Variants in AP1S3 observed in about 807,000 individuals in gnomAD.
AP1S3 encodes the protein adaptor related protein complex 1 subunit sigma 3.
AP1S3 carries 10 observed loss-of-function variants against 20.9 expected under a neutral mutation model. The observed-to-expected ratio is 0.48, with a 90% CI of 0.29 to 0.81. AP1S3 has a LOEUF of 0.81. AP1S3 is among the 30% of genes least tolerant of loss of function. AP1S3 has a pLI of 0.08. For missense variants in AP1S3, 154 were observed against 183.8 expected (o/e 0.84, Z 0.94); for synonymous variants, 41 against 61.5 (o/e 0.67, Z 1.56).
intron 1 of AP1S3, among the ~76,000 whole-genome samples, chr2:223,780,296 TATATATATATATAGAGAGAGAGAGAGAG>T (rs1304469421): frequency 7.1e-4 from 36 of 50,438 alleles, no homozygotes; most frequent in African/African-American, 3.2e-3. Flanking sequence ...TATATATATA[TATATATATATATAGAGAGAGAGAGAGAG>T]AGAGAGAGAG....
intron 1 of AP1S3, among the ~76,000 whole-genome samples, chr2:223,806,671 A>G (rs1202747380): frequency 1.3e-5 from 2 of 152,168 alleles, no homozygotes; most frequent in African/African-American, 4.8e-5. Context: ...AGTTACCTTT[A>G]TACTTTCAAT....
At chr2:223,762,274 T>C (rs1160964766) in intron 4 of AP1S3, among the ~76,000 whole-genome samples, 3 of 144,052 alleles carry the variant, frequency 2.1e-5, no homozygotes, top group Non-Finnish European at 4.6e-5. Flanking sequence ...AGCAATTTTT[T>C]TTTTTTTTTT....
At chr2:223,793,366 T>C (rs1319579020) in intron 1 of AP1S3, among the ~76,000 whole-genome samples, 2 of 152,186 alleles carry the variant, frequency 1.3e-5, no homozygotes, top group Non-Finnish European at 1.5e-5. Context: ...ATGTGGTACA[T>C]ACACAACATG....
intron 1 of AP1S3, among the ~76,000 whole-genome samples, chr2:223,832,517 T>C (rs562980993): frequency 1.6e-4 from 25 of 152,086 alleles, no homozygotes; most frequent in African/African-American, 6.0e-4. Context: ...ATTTCTCCCC[T>C]GATCCCAAAG....
In AP1S3 at chr2:223,812,368, C is replaced by T. The variant is rs191668393; in HGVS notation, c.3+25080G>A. 1.3e-3 allele frequency among the ~76,000 whole-genome samples: 197 copies of T among 152,194 alleles called. 1 individual carries two copies. Among genetic ancestry groups the T allele is most frequent in the African/African-American group, 4.6e-3 (190 of 41,510 alleles). ...TCCCGAGTAGCTGGGATTATAGGCA[C>T]GCGCCACCACGCCTGGCTAATTTTT... On this transcript the variant is annotated intron_variant, in intron 1 of 4. Coordinates refer to ENST00000396654, the MANE Select transcript of AP1S3 (RefSeq NM_001039569.2).
At chr2:223,834,492 A>AGGTAGGAGG (rs1394735578) in intron 1 of AP1S3, among the ~76,000 whole-genome samples, 1 of 152,154 alleles carries the variant, frequency 6.6e-6, no homozygotes, top group Admixed American at 6.6e-5. Flanking sequence ...TGGAAGGCTG[A>AGGTAGGAGG]GGTAGGAGGA....
At chr2:223,802,333 C>G (rs1380915972) in intron 1 of AP1S3, among the ~76,000 whole-genome samples, 2 of 150,390 alleles carry the variant, frequency 1.3e-5, no homozygotes, top group African/African-American at 2.5e-5. Context: ...GACAGAGTCT[C>G]ACTGTTTTGC....
chr2:223,837,466 G>A lies in AP1S3; in HGVS notation c.-16C>T, dbSNP rs1465300123. On this transcript the variant is annotated 5_prime_UTR_variant, in exon 1 of 5. Transcript: ENST00000396654. ...CACTCACCATCGTGGCTGGGCCGCC[G>A]CCTCCCCCGCCTTGCGAGCAAGGAG... is the stretch of plus-strand genomic sequence containing the variant. The A allele has an allele frequency of 4.7e-6, 6 of 1,281,348 alleles. No individual in the cohort carries two copies. The highest frequency in any genetic ancestry group is 3.5e-5 in the Admixed American group (1 of 28,292). The allele number at this position is 1,281,348 out of a possible 1,614,324, so 79.4% of individuals were successfully genotyped here.
rs984105291 is a variant in AP1S3 at position 223,773,751 on chromosome 2, C to A, written c.291+2150G>T. Among the ~76,000 whole-genome samples, 3 of 151,920 alleles carry A rather than the reference C, an allele frequency of 2.0e-5. No individual in the cohort carries two copies. The East Asian group carries it at 5.8e-4, about 29-fold the overall frequency. On this transcript the variant is annotated intron_variant, in intron 3 of 4. Transcript: ENST00000396654. ...GAATAACAACAAGAACAAAAAAAAA[C>A]TCTGCTGGAAGCAAATTATCCTAAC... is the stretch of plus-strand genomic sequence containing the variant.
At chr2:223,777,944 A>G (rs1690829568) in intron 1 of AP1S3, 75 bp from the exon 2 acceptor site, 1 of 1,311,440 alleles carries the variant, frequency 7.6e-7, no homozygotes, top group South Asian at 1.4e-5. Context: ...ACTGAAATTC[A>G]ATGATGGATT....
intron 1 of AP1S3, among the ~76,000 whole-genome samples, chr2:223,793,813 T>G (rs1032975035): frequency 2.0e-5 from 3 of 152,100 alleles, no homozygotes; most frequent in Admixed American, 1.3e-4. Flanking sequence ...ACGTTTTTTT[T>G]TTGTTTGTTT....
At chr2:223,789,440 A>G (rs1007581870) in intron 1 of AP1S3, among the ~76,000 whole-genome samples, 4 of 151,994 alleles carry the variant, frequency 2.6e-5, no homozygotes, top group South Asian at 2.1e-4. Flanking sequence ...CAGAGGCTGA[A>G]GCAGGAGGAT....
chr2:223,808,673 T>C (rs986836712), intron 1 of AP1S3, among the ~76,000 whole-genome samples: 1 of 152,214 alleles, frequency 6.6e-6, no homozygotes, highest in Non-Finnish European at 1.5e-5. Flanking sequence ...AAATACTCAG[T>C]TTCCTTCAGA....
chr2:223,808,299 C>T (rs1332236332), intron 1 of AP1S3, among the ~76,000 whole-genome samples: 3 of 152,144 alleles, frequency 2.0e-5, no homozygotes, highest in African/African-American at 4.8e-5. Flanking sequence ...AACATTAACT[C>T]GGCAGGCCCA....
At chr2:223,820,668 GA>G (rs1242596885) in intron 1 of AP1S3, among the ~76,000 whole-genome samples, 288 of 118,170 alleles carry the variant, frequency 2.4e-3, no homozygotes, top group East Asian at 2.1e-3. Flanking sequence ...CAAACTAGGA[GA>G]AAAAAAAAAA....
intron 3 of AP1S3, among the ~76,000 whole-genome samples, chr2:223,766,989 G>A (rs1305431862): frequency 6.6e-6 from 1 of 151,752 alleles, no homozygotes; most frequent in Non-Finnish European, 1.5e-5. Context: ...TCACTCATAA[G>A]TAGGAGTTGA....
chr2:223,787,698 A>G (rs1183820422), intron 1 of AP1S3, among the ~76,000 whole-genome samples: 1 of 152,224 alleles, frequency 6.6e-6, no homozygotes, highest in Non-Finnish European at 1.5e-5. Flanking sequence ...GACATGTGCC[A>G]CATGCAGATT....
At chr2:223,809,831 C>T (rs969721498) in intron 1 of AP1S3, among the ~76,000 whole-genome samples, 4 of 150,994 alleles carry the variant, frequency 2.6e-5, no homozygotes, top group African/African-American at 7.3e-5. Context: ...CAGGTTCAAG[C>T]GATTCTCCTG....
chr2:223,816,439 T>C (rs779685814), intron 1 of AP1S3, among the ~76,000 whole-genome samples: 2 of 152,110 alleles, frequency 1.3e-5, no homozygotes, highest in African/African-American at 4.8e-5. Flanking sequence ...CATGAACACG[T>C]AGCTTTGCTA....
Sources: allele counts gnomAD v4.1 joint callset (sites outside exome capture counted in the v4.1 genomes callset), GRCh38; gene constraint gnomAD v4.1.1; transcripts MANE v1.5; gene names NCBI Gene and HGNC (gene_info 2026-07-23, HGNC 2026-07-21).